The following CFAP61 variants were observed in gnomAD, a reference collection of about 807,000 sequenced individuals.
CFAP61 encodes cilia- and flagella-associated protein 61.
In CFAP61, 107 loss-of-function variants were observed where a neutral mutation model predicts 135.6. That is an observed-to-expected ratio of 0.79 (90% CI 0.67 to 0.93). The LOEUF is 0.93. CFAP61 is among the 40% of genes least tolerant of loss of function. The pLI is 0.00. For missense variants in CFAP61, 1,507 were observed against 1,556.2 expected, an observed-to-expected ratio of 0.97 and a Z score of 0.53; for synonymous variants, 575 against 578.5, an observed-to-expected ratio of 0.99 and a Z score of 0.09.
intron 12 of CFAP61, among the ~76,000 whole-genome samples, chr20:20,169,032 G>T (rs2273124): frequency 6.6e-6 from 1 of 152,138 alleles, no homozygotes. Context: ...AATTGTCTTG[G>T]TTTAAAAACT....
chr20:20,277,824 T>C (rs1426669474), intron 22 of CFAP61, among the ~76,000 whole-genome samples: 1 of 152,216 alleles, frequency 6.6e-6, no homozygotes, highest in Non-Finnish European at 1.5e-5. Flanking sequence ...GTCTGGCTGT[T>C]GATCCTGAAT....
chr20:20,288,469 C>T, intron 22 of CFAP61, 140 bp from the exon 23 acceptor site: 1 of 684,356 alleles, frequency 1.5e-6, no homozygotes, highest in Non-Finnish European at 2.5e-6. Context: ...CTCATACGCA[C>T]ACAAACAACA....
intron 9 of CFAP61, among the ~76,000 whole-genome samples, chr20:20,145,709 C>T (rs559514769): frequency 6.6e-6 from 1 of 152,252 alleles, no homozygotes; most frequent in South Asian, 2.1e-4. Context: ...CAACACTAAT[C>T]AAAAGTTAGC....
At chr20:20,358,456 G>T (rs1457268999) in intron 26 of CFAP61, among the ~76,000 whole-genome samples, 2 of 152,178 alleles carry the variant, frequency 1.3e-5, no homozygotes, top group African/African-American at 4.8e-5. Flanking sequence ...TCAAAATCTT[G>T]TATAATTTTA....
intron 13 of CFAP61, among the ~76,000 whole-genome samples, chr20:20,178,140 A>G (rs2054776747): frequency 6.6e-6 from 1 of 152,198 alleles, no homozygotes; most frequent in Non-Finnish European, 1.5e-5. Flanking sequence ...TCATTCTGTC[A>G]TTAGTGATGG....
intron 24 of CFAP61, among the ~76,000 whole-genome samples, chr20:20,292,997 G>C (rs566362363): frequency 1.3e-5 from 2 of 152,138 alleles, no homozygotes; most frequent in Non-Finnish European, 2.9e-5. Context: ...GGACACTGTC[G>C]TGGCCATCTT....
In CFAP61 at chr20:20,129,581, T is replaced by C. The variant is rs1178855779; in HGVS notation, c.860-13276T>C. On this transcript the variant is annotated intron_variant, in intron 8 of 26. Transcript: ENST00000245957. ...TGTTTGATGCTCTCTCATCTTCCTGTACCTGGATATTTATCTCTTTCTCAA... is the reference window on the plus strand; with the variant it reads ...TGTTTGATGCTCTCTCATCTTCCTGCACCTGGATATTTATCTCTTTCTCAA... Among the ~76,000 whole-genome samples, 3 of 151,488 alleles carry C rather than the reference T, an allele frequency of 2.0e-5. No individual in the cohort carries two copies. The East Asian group carries it at 5.8e-4, about 29-fold the overall frequency.
intron 25 of CFAP61, among the ~76,000 whole-genome samples, chr20:20,300,598 G>GTTTTTTTTTTTTTTTTT (rs1275064291): frequency 6.7e-6 from 1 of 148,834 alleles, no homozygotes; most frequent in African/African-American, 2.5e-5. Context: ...GGGTTCTTTT[G>GTTTTTTTTTTTTTTTTT]TTTTTTTTGT....
chr20:20,300,367 C>T (rs1468731357), intron 25 of CFAP61, among the ~76,000 whole-genome samples: 1 of 152,150 alleles, frequency 6.6e-6, no homozygotes, highest in African/African-American at 2.4e-5. Context: ...CAGGAGATGG[C>T]AGCTCCACGT....
intron 12 of CFAP61, among the ~76,000 whole-genome samples, chr20:20,166,693 A>G (rs1470159392): frequency 6.6e-6 from 1 of 152,170 alleles, no homozygotes; most frequent in Non-Finnish European, 1.5e-5. Context: ...TCAGAATCAA[A>G]TCATTCATAG....
At chr20:20,134,350 C>A (rs563615623) in intron 8 of CFAP61, among the ~76,000 whole-genome samples, 2 of 152,256 alleles carry the variant, frequency 1.3e-5, no homozygotes, top group South Asian at 4.1e-4. Context: ...GGGGAAAGTA[C>A]AAGTTCAGTG....
At chr20:20,164,292 A>C (rs2053644623) in intron 11 of CFAP61, 64 bp downstream of exon 11, 1 of 1,497,914 alleles carries the variant, frequency 6.7e-7, no homozygotes, top group Admixed American at 1.9e-5. Flanking sequence ...GTGGCCCAAC[A>C]TTTTAACTTT....
At chr20:20,177,436 T>C (rs909395218) in intron 13 of CFAP61, among the ~76,000 whole-genome samples, 1 of 151,990 alleles carries the variant, frequency 6.6e-6, no homozygotes, top group African/African-American at 2.4e-5. Flanking sequence ...TTCTTTCCTT[T>C]CTTCCACCCT....
rs149989477 is a variant in CFAP61 at position 20,107,015 on chromosome 20, C to T, written c.859+8201C>T. On this transcript the variant is annotated intron_variant, in intron 8 of 26. Coordinates refer to ENST00000245957, the MANE Select transcript of CFAP61 (RefSeq NM_015585.4). ...TTTTCATCCCAACTGGGTGTTTGATCCTGCTGACTTTTCTCTTGAAAATCA... is the reference window on the plus strand; with the variant it reads ...TTTTCATCCCAACTGGGTGTTTGATTCTGCTGACTTTTCTCTTGAAAATCA... Among the ~76,000 whole-genome samples the T allele has an allele frequency of 2.1e-3, 319 of 152,240 alleles. 1 individual carries two copies. Among genetic ancestry groups the T allele is most frequent in the African/African-American group, 7.3e-3 (304 of 41,548 alleles).
At chr20:20,144,572 A>T (rs544339694) in intron 9 of CFAP61, among the ~76,000 whole-genome samples, 14 of 151,920 alleles carry the variant, frequency 9.2e-5, no homozygotes, top group Non-Finnish European at 1.5e-4. Context: ...TATGTGTAAT[A>T]GAAGTCCACA....
In CFAP61 at chr20:20,277,351, A is replaced by G. The variant is rs370420916; in HGVS notation, c.2689A>G (p.Met897Val). The G allele has an allele frequency of 6.2e-6, 10 of 1,614,014 alleles. No homozygotes were observed. Among genetic ancestry groups the G allele is most frequent in the South Asian group, 2.2e-5 (2 of 91,078 alleles). Residue 897 changes from methionine (M) to valine (V), a missense_variant, in exon 22 of 27, where the codon ATG becomes GTG. Physicochemically the swap from Met to Val is conservative, Grantham distance 21. Coordinates refer to ENST00000245957, the MANE Select transcript of CFAP61 (RefSeq NM_015585.4). ...ADALGAAGVTMYRDAILAQWN... is the reference protein window; with the variant it reads ...ADALGAAGVTVYRDAILAQWN... ...CGCGCTAGGAGCCGCCGGAGTCACT[A>G]TGTACCGGGATGCGATCCTGGCCCA...
intron 18 of CFAP61, among the ~76,000 whole-genome samples, chr20:20,231,800 TG>T (rs1374611528): frequency 6.6e-6 from 1 of 152,202 alleles, no homozygotes; most frequent in African/African-American, 2.4e-5. Flanking sequence ...GCTTGTACTA[TG>T]GGGTAGAGGG....
chr20:20,258,298 A>C (rs1489719482), intron 20 of CFAP61: 1 of 152,220 alleles, frequency 6.6e-6, no homozygotes, highest in Non-Finnish European at 1.5e-5. Flanking sequence ...GAAAAGCATT[A>C]ATCTTGATCA....
At position 20,142,003 on chromosome 20, in the gene CFAP61, C is replaced by CCCA. The variant is rs1568992380; in HGVS notation, c.860-854_860-853insCCA. On this transcript the variant is annotated intron_variant, in intron 8 of 26. Coordinates refer to ENST00000245957, the MANE Select transcript of CFAP61 (RefSeq NM_015585.4). ...AGTCCCAAAGGCTGAGAGCAGATGTCATGGCTGAGAACTCCCAGCAGAGCG... is the reference window on the plus strand; with the variant it reads ...AGTCCCAAAGGCTGAGAGCAGATGTCCCAATGGCTGAGAACTCCCAGCAGAGCG... Among the ~76,000 whole-genome samples, 3 of 152,254 alleles carry CCCA rather than the reference C, an allele frequency of 2.0e-5. No individual in the cohort carries two copies. The East Asian group carries it at 5.8e-4, about 29-fold the overall frequency.
Sources: allele counts gnomAD v4.1 joint callset (sites outside exome capture counted in the v4.1 genomes callset), GRCh38; gene constraint gnomAD v4.1.1; transcripts MANE v1.5; gene names NCBI Gene and HGNC (gene_info 2026-07-23, HGNC 2026-07-21).